Variants in GRTP1 observed in about 807,000 individuals in gnomAD.
GRTP1 encodes the protein growth hormone regulated TBC protein 1, also known as growth hormone-regulated TBC protein 1.
In GRTP1, 56 loss-of-function variants were observed where a neutral mutation model predicts 38.1. The ratio of observed to expected loss-of-function variants is 1.47; its 90% CI spans 1.19 to 1.84. GRTP1 has a LOEUF of 1.84. Among genes scored for constraint, GRTP1 ranks in the 40% most tolerant of loss-of-function variants. GRTP1 has a pLI of 0.00. For missense variants in GRTP1, 506 were observed against 453.9 expected (o/e 1.11, Z -1.04); for synonymous variants, 217 against 189.5 (o/e 1.14, Z -1.19).
Position 113,325,789 on chromosome 13 carries a change from C to T in GRTP1, c.793G>A (p.Val265Met), listed in dbSNP as rs200572325. The T allele has an allele frequency of 3.0e-5, 48 of 1,614,196 alleles. No homozygotes were observed. The East Asian group carries it at 1.0e-3, about 34-fold the overall frequency. ...FNEGSKIIFR[V>M]ALTLIKQHQE... is the part of the protein sequence containing the mutation. Reference sequence around the variant, plus strand: ...TGCTGCTTAATTAAGGTCAGGGCCACCCGGAAGATAATCTTCGAGCCTTCG... The same window carrying T: ...TGCTGCTTAATTAAGGTCAGGGCCATCCGGAAGATAATCTTCGAGCCTTCG... The change falls in exon 7 of 8, where the codon GTG becomes ATG. Residue 265 changes from valine (V) to methionine (M), a missense_variant. Coordinates refer to ENST00000375431, the MANE Select transcript of GRTP1 (RefSeq NM_024719.4).
rs967562868 is a variant in GRTP1, at chr13:113,348,639, C to T, written c.465+2210G>A. Among the ~76,000 whole-genome samples, 7 of 152,074 alleles carry T rather than the reference C, an allele frequency of 4.6e-5. No individual in the cohort carries two copies. In the South Asian group the frequency reaches 8.3e-4, roughly 18 times the overall value. ...ATCCAAGCCTGGTGTCCTTGTCTTACGTGGAGCTTTAGACACAGGCATGCA... is the reference window on the plus strand; with the variant it reads ...ATCCAAGCCTGGTGTCCTTGTCTTATGTGGAGCTTTAGACACAGGCATGCA... On this transcript the variant is annotated intron_variant, in intron 4 of 7. Coordinates refer to ENST00000375431, the MANE Select transcript of GRTP1 (RefSeq NM_024719.4). This position sits in a 1 kb window ranked among gnomAD's most constrained non-coding sequence, Gnocchi z 4.8.
chr13:113,361,228 A>C (rs1440270273), intron 2 of GRTP1, among the ~76,000 whole-genome samples: 1 of 147,802 alleles, frequency 6.8e-6, no homozygotes, highest in African/African-American at 2.5e-5. Context: ...AAAAAAAAAA[A>C]AAGCAAAAAC....
At position 113,326,872 on chromosome 13, in the gene GRTP1, G is replaced by T. The variant is rs115385179; in HGVS notation, c.563-781C>A. Among the ~76,000 whole-genome samples, 372 of 152,316 alleles carry T rather than the reference G, an allele frequency of 2.4e-3. 2 individuals are homozygous for T. Among genetic ancestry groups the T allele is most frequent in the African/African-American group, 8.5e-3 (354 of 41,560 alleles). ...CAGCCTTAGAAAGGGAGGAAGTCAG[G>T]CCACAGCAGCGGGAGGGAGGGAGTG... On this transcript the variant is annotated intron_variant, in intron 5 of 7. Coordinates refer to ENST00000375431, the MANE Select transcript of GRTP1 (RefSeq NM_024719.4).
In GRTP1 at chr13:113,355,408, C is replaced by T. The variant is rs774658661; in HGVS notation, c.255G>A (p.Gln85=). ...ARVWMVLSGA[Q]AQMDQNPGYY... is the part of the protein sequence containing the mutation. ...AGCCGGGATTCTGGTCCATCTGCGC[C>T]TGGGCCCCACTCAGCACCATCCAGA... Residue 85 remains glutamine (Q), a synonymous_variant, in exon 3 of 8, where the codon CAG becomes CAA. Coordinates refer to ENST00000375431, the MANE Select transcript of GRTP1 (RefSeq NM_024719.4). 12 of 1,614,034 alleles carry T rather than the reference C, an allele frequency of 7.4e-6. No homozygotes were observed. The highest frequency in any genetic ancestry group is 6.7e-5 in the Admixed American group (4 of 60,012).
chr13:113,342,408 T>C lies in GRTP1; in HGVS notation c.562+2455A>G, dbSNP rs1331460224. On this transcript the variant is annotated intron_variant, in intron 5 of 7. Coordinates refer to ENST00000375431, the MANE Select transcript of GRTP1 (RefSeq NM_024719.4). The surrounding 1 kb of genome is among the most constrained non-coding windows in gnomAD (Gnocchi z 4.5). ...CTGTAGTCCCAGCTACTCGGGAGGC[T>C]GAGGCAGGAGAATGGCGTGAACCTG... Among the ~76,000 whole-genome samples, 1 of 151,700 alleles carries C rather than the reference T, an allele frequency of 6.6e-6. No individual in the cohort carries two copies. Among genetic ancestry groups the C allele is most frequent in the Non-Finnish European group, 1.5e-5 (1 of 67,940 alleles).
rs1426445214 is a variant in GRTP1 at position 113,324,266 on chromosome 13, T to TA, written c.*221dup. ...TTTTATATATTATTGATCTCTCAGG[T>TA]AAAAATAAGTTTTCTTTAAAAAGTA... On this transcript the variant is annotated 3_prime_UTR_variant, in exon 8 of 8. Coordinates refer to ENST00000375431, the MANE Select transcript of GRTP1 (RefSeq NM_024719.4). The TA allele has an allele frequency of 9.3e-6, 5 of 540,484 alleles. No individual in the cohort carries two copies. The highest frequency in any genetic ancestry group is 1.5e-5 in the Non-Finnish European group (5 of 343,558). The allele number at this position is 540,484 out of a possible 1,614,324, so 33.5% of individuals were successfully genotyped here. A position where few individuals can be genotyped will look rare whatever the true frequency, so the allele number is the denominator to read the frequency against.
At chr13:113,353,523 G>A (rs530284959) in intron 3 of GRTP1, among the ~76,000 whole-genome samples, 3 of 151,966 alleles carry the variant, frequency 2.0e-5, no homozygotes, top group African/African-American at 7.3e-5. Context: ...CGCAGCCCAC[G>A]GGACTCCTCT....
At chr13:113,335,023 T>C (rs1053740287) in intron 5 of GRTP1, among the ~76,000 whole-genome samples, 1 of 151,750 alleles carries the variant, frequency 6.6e-6, no homozygotes, top group Non-Finnish European at 1.5e-5. Flanking sequence ...GGGGTTTCAC[T>C]GTGTTAGCCA....
chr13:113,328,245 G>A (rs2042804697), intron 5 of GRTP1, among the ~76,000 whole-genome samples: 2 of 152,200 alleles, frequency 1.3e-5, no homozygotes, highest in Non-Finnish European at 2.9e-5. Context: ...CATCACCGAG[G>A]CTCCGGGACG....
chr13:113,325,286 T>C, intron 7 of GRTP1: 3 of 1,282,888 alleles, frequency 2.3e-6, no homozygotes, highest in East Asian at 5.9e-5. Flanking sequence ...TCAGAAGGCC[T>C]GTCAGGTACA....
At chr13:113,345,999 CG>C (rs2043101507) in intron 4 of GRTP1, among the ~76,000 whole-genome samples, 2 of 146,464 alleles carry the variant, frequency 1.4e-5, no homozygotes, top group East Asian at 4.0e-4. Context: ...AGAGTGGACC[CG>C]AGAGGACCTC....
chr13:113,347,476 G>A lies in GRTP1; in HGVS notation c.466-2517C>T, dbSNP rs1409088968. The stretch of plus-strand genomic sequence containing the variant: ...CCCAGGAGGATCTCTGTGGCCGAGA[G>A]CAGACCTGGGAGGACCTCTGTGGCC... On this transcript the variant is annotated intron_variant, in intron 4 of 7. Coordinates refer to ENST00000375431, the MANE Select transcript of GRTP1 (RefSeq NM_024719.4). 9.8e-4 allele frequency among the ~76,000 whole-genome samples: 95 copies of A among 96,810 alleles called. 5 individuals carry two copies. The highest frequency in any genetic ancestry group is 2.2e-3 in the African/African-American group (45 of 20,670). The allele number at this position is 96,810 out of a possible 152,430, so 63.5% of individuals were successfully genotyped here.
intron 5 of GRTP1, among the ~76,000 whole-genome samples, chr13:113,335,269 C>T (rs2042939122): frequency 6.6e-6 from 1 of 151,904 alleles, no homozygotes; most frequent in African/African-American, 2.4e-5. Flanking sequence ...AGACCTGGGT[C>T]ACTGGAGGCT....
rs372270778 is a variant in GRTP1, at chr13:113,364,065, C to A, written c.-14G>T. On this transcript the variant is annotated 5_prime_UTR_variant, in exon 1 of 8. Transcript: ENST00000375431. ...GGCGGGCTGCATGCGGGGAGGGAGG[C>A]GCGCACCGAGCGAGGCCAGCGGGTC... is the stretch of plus-strand genomic sequence containing the variant. 167 of 1,264,786 alleles carry A rather than the reference C, an allele frequency of 1.3e-4. No homozygotes were observed. The East Asian group carries it at 4.5e-3, about 34-fold the overall frequency. 78.3% of individuals were successfully genotyped at this position (1,264,786 alleles called of 1,614,324 possible). A position where few individuals can be genotyped will look rare whatever the true frequency, so the allele number is the denominator to read the frequency against.
Position 113,364,060 on chromosome 13 carries a change from G to GGAGGCGCGCACCGAGC in GRTP1, c.-25_-10dup. 1 of 1,283,988 alleles carries GGAGGCGCGCACCGAGC rather than the reference G, an allele frequency of 7.8e-7. No homozygotes were observed. Among genetic ancestry groups the GGAGGCGCGCACCGAGC allele is most frequent in the Non-Finnish European group, 9.8e-7 (1 of 1,022,458 alleles). 79.5% of individuals were successfully genotyped at this position (1,283,988 alleles called of 1,614,324 possible). ...CGCTCGGCGGGCTGCATGCGGGGAGGGAGGCGCGCACCGAGCGAGGCCAGC... is the reference window on the plus strand; with the variant it reads ...CGCTCGGCGGGCTGCATGCGGGGAGGGAGGCGCGCACCGAGCGAGGCGCGCACCGAGCGAGGCCAGC... On this transcript the variant is annotated 5_prime_UTR_variant, in exon 1 of 8. Transcript: ENST00000375431.
chr13:113,352,337 T>TTATATATATTTATATATATTTTATA (rs2043295719), intron 3 of GRTP1, among the ~76,000 whole-genome samples: 50 of 51,532 alleles, frequency 9.7e-4, no homozygotes, highest in African/African-American at 2.9e-3. Context: ...TATATATATT[T>TTATATATATTTATATATATTTTATA]TATATATATA....
Position 113,326,031 on chromosome 13 carries a change from A to G in GRTP1, c.623T>C (p.Val208Ala). ...KTDQEVLGEL[V>A]RAKLPAVGAL... ...CCCCACAGCCGGCAGCTTCGCCCGCACCAGCTCCCCGAGGACCTCCTGGTC... is the reference window on the plus strand; with the variant it reads ...CCCCACAGCCGGCAGCTTCGCCCGCGCCAGCTCCCCGAGGACCTCCTGGTC... The change falls in exon 6 of 8, where the codon GTG (valine) becomes GCG (alanine). Residue 208 changes from valine to alanine, a missense_variant. Transcript: ENST00000375431. 1.2e-6 allele frequency: 2 copies of G among 1,613,172 alleles called. No homozygotes were observed. Among genetic ancestry groups the G allele is most frequent in the Non-Finnish European group, 1.7e-6 (2 of 1,179,878 alleles).
At chr13:113,337,704 C>T (rs1447887061) in intron 5 of GRTP1, among the ~76,000 whole-genome samples, 4 of 152,262 alleles carry the variant, frequency 2.6e-5, no homozygotes, top group African/African-American at 9.6e-5. Flanking sequence ...CTGTTCCTGA[C>T]CCCAGAGACC....
At chr13:113,350,755 G>A in intron 4 of GRTP1, 94 bp downstream of exon 4, 1 of 1,206,322 alleles carries the variant, frequency 8.3e-7, no homozygotes. Flanking sequence ...GAACAGGGTT[G>A]ACAGAGACGT....
Sources: gnomAD v4.1 joint callset for allele counts (sites outside exome capture counted in the v4.1 genomes callset) on GRCh38, gnomAD v4.1.1 for gene constraint, Gnocchi (gnomAD v3.1) non-coding constraint, MANE v1.5 for transcripts, NCBI Gene and HGNC (gene_info 2026-07-23, HGNC 2026-07-21) for gene names.